Variants in PTPRT observed in about 807,000 individuals in gnomAD.
The protein encoded by PTPRT is receptor-type tyrosine-protein phosphatase T.
A neutral mutation model predicts 176.8 loss-of-function variants in PTPRT; 56 were observed. The observed-to-expected ratio is 0.32, with a 90% CI of 0.26 to 0.40. The LOEUF (loss-of-function observed/expected upper bound fraction) is 0.40, where lower values mean the gene tolerates loss of function less well. Ranked by LOEUF, PTPRT falls within the 10% of genes least tolerant of loss-of-function variation. PTPRT has a pLI of 1.00. For missense variants in PTPRT, 1,540 were observed against 1,908.2 expected, an observed-to-expected ratio of 0.81 and a Z score of 3.60; for synonymous variants, 783 against 739.0, an observed-to-expected ratio of 1.06 and a Z score of -0.96.
chr20:42,219,145 G>A (rs550150363), intron 15 of PTPRT, among the ~76,000 whole-genome samples: 2 of 152,296 alleles, frequency 1.3e-5, no homozygotes, highest in African/African-American at 2.4e-5. Context: ...AGAATGGATG[G>A]CACTGGGTTA....
At chr20:43,188,054 G>C (rs1418517378) in intron 1 of PTPRT, among the ~76,000 whole-genome samples, 2 of 152,146 alleles carry the variant, frequency 1.3e-5, no homozygotes, top group African/African-American at 4.8e-5. Flanking sequence ...TCCTGTTTCT[G>C]CCGCGGGAAC....
At chr20:43,015,462 C>T (rs1280470799) in intron 1 of PTPRT, among the ~76,000 whole-genome samples, 1 of 152,174 alleles carries the variant, frequency 6.6e-6, no homozygotes. Flanking sequence ...CAGTGAATAG[C>T]CAACACCCAA....
chr20:42,613,670 G>T (rs1188710935), intron 7 of PTPRT, among the ~76,000 whole-genome samples: 5 of 152,168 alleles, frequency 3.3e-5, no homozygotes, highest in Non-Finnish European at 5.9e-5. Flanking sequence ...CCTGAATAGG[G>T]TTGAGACTTC....
chr20:42,651,260 G>A (rs964593965), intron 7 of PTPRT, among the ~76,000 whole-genome samples: 3 of 152,106 alleles, frequency 2.0e-5, no homozygotes, highest in Admixed American at 1.3e-4. Flanking sequence ...AGAATAAATA[G>A]GAATTAACAA....
chr20:43,015,886 C>A (rs1985342778), intron 1 of PTPRT, among the ~76,000 whole-genome samples: 1 of 149,936 alleles, frequency 6.7e-6, no homozygotes. Context: ...AACAGGCCTG[C>A]AGGATTATGC....
intron 13 of PTPRT, among the ~76,000 whole-genome samples, chr20:42,269,868 T>G (rs939486857): frequency 6.6e-6 from 1 of 152,208 alleles, no homozygotes; most frequent in Non-Finnish European, 1.5e-5. Flanking sequence ...CTGATCATAG[T>G]GAGAGCTTCT....
At chr20:42,042,118 G>T in the PTPRT span, among the ~76,000 whole-genome samples, 1 of 152,156 alleles carries the variant, frequency 6.6e-6, no homozygotes, top group Admixed American at 6.5e-5. Flanking sequence ...TGTTCACCCA[G>T]GTCCAGCAGT....
chr20:42,351,357 A>G (rs1283014652), intron 10 of PTPRT, among the ~76,000 whole-genome samples: 1 of 152,240 alleles, frequency 6.6e-6, no homozygotes, highest in Non-Finnish European at 1.5e-5. Flanking sequence ...ACACGGAAGC[A>G]CCAAATATAT....
chr20:43,055,287 T>A (rs80343134), intron 1 of PTPRT, among the ~76,000 whole-genome samples: 1,730 of 152,278 alleles, frequency 0.011, 35 homozygotes, highest in African/African-American at 0.039. Flanking sequence ...AAAGAAATGA[T>A]ACGTACAACC....
At chr20:43,096,559 G>C (rs2012177471) in intron 1 of PTPRT, among the ~76,000 whole-genome samples, 1 of 152,170 alleles carries the variant, frequency 6.6e-6, no homozygotes, top group African/African-American at 2.4e-5. Flanking sequence ...TCCACTCCTG[G>C]CCGGTTCCCC....
At chr20:43,014,300 C>A (rs1985275018) in intron 1 of PTPRT, among the ~76,000 whole-genome samples, 1 of 152,190 alleles carries the variant, frequency 6.6e-6, no homozygotes, top group African/African-American at 2.4e-5. Context: ...ACTTCCAGCT[C>A]ATTTGGCAGA....
chr20:42,360,252 C>A (rs1013408005), intron 9 of PTPRT, among the ~76,000 whole-genome samples: 1 of 152,306 alleles, frequency 6.6e-6, no homozygotes, highest in South Asian at 2.1e-4. Flanking sequence ...TCAACAGGTG[C>A]TCCCTCCACC....
chr20:42,180,325 A>C (rs1990464575), intron 16 of PTPRT, among the ~76,000 whole-genome samples: 1 of 151,874 alleles, frequency 6.6e-6, no homozygotes, highest in Non-Finnish European at 1.5e-5. Context: ...TAATAGAGAC[A>C]CTCTTTCCTG....
At chr20:43,086,240 T>C (rs534836542) in intron 1 of PTPRT, among the ~76,000 whole-genome samples, 1 of 152,260 alleles carries the variant, frequency 6.6e-6, no homozygotes, top group South Asian at 2.1e-4. Flanking sequence ...CTCAGGCAAC[T>C]GAAGTCCAAA....
chr20:42,240,875 C>A (rs555024160), intron 14 of PTPRT, among the ~76,000 whole-genome samples: 3 of 152,278 alleles, frequency 2.0e-5, no homozygotes, highest in South Asian at 4.1e-4. Flanking sequence ...GATGAGAGAG[C>A]CAGACTAGCA....
At chr20:42,459,905 C>T (rs1481272697) in intron 8 of PTPRT, among the ~76,000 whole-genome samples, 1 of 150,632 alleles carries the variant, frequency 6.6e-6, no homozygotes, top group Non-Finnish European at 1.5e-5. Flanking sequence ...GGGTGAGCCA[C>T]CATCCCCAGC....
chr20:42,213,456 T>C (rs769127680), intron 15 of PTPRT, among the ~76,000 whole-genome samples: 10 of 152,166 alleles, frequency 6.6e-5, no homozygotes, highest in Non-Finnish European at 1.5e-5. Context: ...GCTTTTAAAA[T>C]GATTGTTATG....
chr20:42,441,575 T>G (rs755922378), intron 9 of PTPRT, among the ~76,000 whole-genome samples: 5 of 152,116 alleles, frequency 3.3e-5, no homozygotes, highest in Non-Finnish European at 5.9e-5. Context: ...GGCTGCAGTG[T>G]GGACATATGG....
At chr20:42,756,379 G>T in intron 6 of PTPRT, 83 bp downstream of exon 6, 1 of 1,314,802 alleles carries the variant, frequency 7.6e-7, no homozygotes, top group Non-Finnish European at 1.0e-6. Flanking sequence ...TGTGGGGGAG[G>T]ATCAGCAGAT....
Sources: allele counts gnomAD v4.1 joint callset (sites outside exome capture counted in the v4.1 genomes callset), GRCh38; gene constraint gnomAD v4.1.1; transcripts MANE v1.5; gene names NCBI Gene and HGNC (gene_info 2026-07-23, HGNC 2026-07-21).